Variants in SMOX observed in about 807,000 individuals in gnomAD.
SMOX encodes spermine oxidase.
SMOX carries 22 observed loss-of-function variants against 51.0 expected under a neutral mutation model. That is an observed-to-expected ratio of 0.43 (90% CI 0.31 to 0.62). SMOX has a LOEUF of 0.62. Ranked by LOEUF, SMOX falls within the 20% of genes least tolerant of loss-of-function variation. The pLI, the probability that SMOX is intolerant of heterozygous loss-of-function variation, is 0.10. For missense variants in SMOX, 566 were observed against 777.7 expected (o/e 0.73, Z 3.24); for synonymous variants, 282 against 307.8 (o/e 0.92, Z 0.88).
In SMOX at chr20:4,172,911, T is replaced by A. The variant is rs1978532360; in HGVS notation, c.-26-2119T>A. On this transcript the variant is annotated intron_variant, in intron 1 of 6. Transcript: ENST00000305958. The surrounding 1 kb of genome is among the most constrained non-coding windows in gnomAD (Gnocchi z 7.7). ...AAAGAGCAGCTTCTCAGCCTAAGCG[T>A]ATTTCGGAAAAAGCCTCCTTTGTTC... is the stretch of plus-strand genomic sequence containing the variant. 6.6e-6 allele frequency among the ~76,000 whole-genome samples: 1 copy of A among 152,060 alleles called. No individual in the cohort carries two copies. The highest frequency in any genetic ancestry group is 1.5e-5 in the Non-Finnish European group (1 of 67,992).
At chr20:4,160,280 C>G (rs1444899401) in intron 1 of SMOX, among the ~76,000 whole-genome samples, 1 of 152,212 alleles carries the variant, frequency 6.6e-6, no homozygotes, top group Non-Finnish European at 1.5e-5. Flanking sequence ...CTTGAGATGA[C>G]TCCTGCCAGC....
chr20:4,176,213 C>T (rs118188215), intron 2 of SMOX: 2,956 of 152,070 alleles, frequency 0.019, 61 homozygotes, highest in East Asian at 0.075. Flanking sequence ...TAGAGACAAA[C>T]GTTTCACCAT....
At position 4,186,107 on chromosome 20, in the gene SMOX, G is replaced by C. The variant is rs149398558; in HGVS notation, c.1531-1163G>C. Among the ~76,000 whole-genome samples the C allele has an allele frequency of 1.1e-3, 163 of 152,094 alleles. 1 individual carries two copies. The highest frequency in any genetic ancestry group is 3.9e-3 in the African/African-American group (160 of 41,494). ...GCTTGAGCTCAGGAGTTCAAGACCAGCCTGGGCAACAAAGTAAGACCTCCA... is the reference window on the plus strand; with the variant it reads ...GCTTGAGCTCAGGAGTTCAAGACCACCCTGGGCAACAAAGTAAGACCTCCA... On this transcript the variant is annotated intron_variant, in intron 6 of 6. Transcript: ENST00000305958.
chr20:4,183,598 G>A lies in SMOX; in HGVS notation c.1474G>A (p.Ala492Thr). Residue 492 changes from alanine to threonine, a missense_variant, in exon 6 of 7, where the codon GCG becomes ACG. This residue lies in a region of SMOX where 347 missense variants were observed against 481.8 expected (regional missense o/e 0.72). Coordinates refer to ENST00000305958, the MANE Select transcript of SMOX (RefSeq NM_175839.3). The surrounding 1 kb of genome is among the most constrained non-coding windows in gnomAD (Gnocchi z 4.3). ...YSYTQVGSSG[A>T]DVEKLAKPLP... is the part of the protein sequence containing the mutation. ...ATACACGCAGGTGGGCTCCAGCGGG[G>A]CGGATGTGGAGAAGCTGGCCAAGCC... is the stretch of plus-strand genomic sequence containing the variant. The A allele has an allele frequency of 6.2e-7, 1 of 1,609,962 alleles. No individual in the cohort carries two copies. The highest frequency in any genetic ancestry group is 8.5e-7 in the Non-Finnish European group (1 of 1,177,784).
intron 1 of SMOX, among the ~76,000 whole-genome samples, chr20:4,157,951 A>C (rs1183343417): frequency 6.6e-6 from 1 of 151,800 alleles, no homozygotes; most frequent in Non-Finnish European, 1.5e-5. Flanking sequence ...CCCAGGCTGG[A>C]GTGCAGCGGC....
chr20:4,181,894 TG>T lies in SMOX; in HGVS notation c.528del (p.Arg177ValfsTer17). 6.2e-7 allele frequency: 1 copy of T among 1,613,888 alleles called. No homozygotes were observed. Among genetic ancestry groups the T allele is most frequent in the Non-Finnish European group, 8.5e-7 (1 of 1,179,978 alleles). On this transcript the variant is annotated frameshift_variant, in exon 4 of 7. Coordinates refer to ENST00000305958, the MANE Select transcript of SMOX (RefSeq NM_175839.3). LOFTEE classifies it high-confidence loss of function. This position sits in a 1 kb window ranked among gnomAD's most constrained non-coding sequence, Gnocchi z 5.6. ...GTGGGGGTGTTCACCCGAGAGGAGG[TG>T]CGTAACCGCATCAGGAATGACCCTG... ...NSVGVFTREE[V>X]RNRIRNDPDD...
At chr20:4,155,379 A>T (rs1325907311) in intron 1 of SMOX, among the ~76,000 whole-genome samples, 1 of 151,622 alleles carries the variant, frequency 6.6e-6, no homozygotes, top group Admixed American at 6.6e-5. Flanking sequence ...CGGGGGTCTT[A>T]TCCCACTCTG....
intron 1 of SMOX, among the ~76,000 whole-genome samples, chr20:4,163,332 T>G (rs1489112008): frequency 6.6e-6 from 1 of 152,244 alleles, no homozygotes; most frequent in Non-Finnish European, 1.5e-5. Flanking sequence ...TTCCTGTCTC[T>G]TGGGCCTTAT....
chr20:4,150,260 C>T (rs190023226), intron 1 of SMOX, among the ~76,000 whole-genome samples: 18 of 152,308 alleles, frequency 1.2e-4, no homozygotes, highest in African/African-American at 4.3e-4. Context: ...GCACTCGCTC[C>T]TTCAGAGCAC....
rs568285106 is a variant in SMOX, at chr20:4,187,046, C to T, written c.1531-224C>T. ...CAAAGAGCCTTTGAGACCACAGAGC[C>T]GGGACTCCTAATGGCCTCAAGACAG... On this transcript the variant is annotated intron_variant, in intron 6 of 6. Coordinates refer to ENST00000305958, the MANE Select transcript of SMOX (RefSeq NM_175839.3). This position sits in a 1 kb window ranked among gnomAD's most constrained non-coding sequence, Gnocchi z 4.8. Among the ~76,000 whole-genome samples, 21 of 152,118 alleles carry T rather than the reference C, an allele frequency of 1.4e-4. No individual in the cohort carries two copies. Among genetic ancestry groups the T allele is most frequent in the Admixed American group, 2.6e-4 (4 of 15,268 alleles).
intron 3 of SMOX, among the ~76,000 whole-genome samples, chr20:4,180,685 C>G (rs1419323133): frequency 2.6e-5 from 4 of 152,292 alleles, no homozygotes; most frequent in Middle Eastern, 3.4e-3. Flanking sequence ...GCTGCCCCCT[C>G]CAGCAAAACC....
rs780749483 is a variant in SMOX at position 4,177,524 on chromosome 20, G to A, written c.382G>A (p.Gly128Ser). The A allele has an allele frequency of 1.6e-5, 25 of 1,596,564 alleles. No homozygotes were observed. The highest frequency in any genetic ancestry group is 9.4e-5 in the African/African-American group (7 of 74,768). ...CGTGGCCTGCTACCTTACCAACCAC[G>A]GCCGCAGGATCCCCAAGGACGTGGT... ...NGVACYLTNH[G>S]RRIPKDVVEE... is the part of the protein sequence containing the mutation. The change falls in exon 3 of 7, where the codon GGC (glycine) becomes AGC (serine). Residue 128 changes from glycine (G) to serine (S), a missense_variant. This residue lies in a region of SMOX where 217 missense variants were observed against 278.4 expected (regional missense o/e 0.78). Transcript: ENST00000305958. The surrounding 1 kb of genome is among the most constrained non-coding windows in gnomAD (Gnocchi z 4.3).
intron 1 of SMOX, among the ~76,000 whole-genome samples, chr20:4,150,794 C>T (rs1032826924): frequency 3.6e-4 from 54 of 150,752 alleles, no homozygotes; most frequent in Middle Eastern, 3.4e-3. Flanking sequence ...CAGGCCTTCC[C>T]ATCTCAGTGA....
intron 6 of SMOX, chr20:4,186,859 T>TAATA (rs1979776364): frequency 2.6e-6 from 2 of 778,686 alleles, no homozygotes; most frequent in Admixed American, 1.7e-5. Context: ...CCGACTTTAT[T>TAATA]GAGTGCTTTG....
In SMOX at chr20:4,187,566, C is replaced by T. The variant is rs1979840608; in HGVS notation, c.*159C>T. 5.4e-6 allele frequency: 6 copies of T among 1,104,474 alleles called. No homozygotes were observed. The highest frequency in any genetic ancestry group is 6.3e-6 in the Non-Finnish European group (5 of 795,428). 68.4% of individuals were successfully genotyped at this position (1,104,474 alleles called of 1,614,324 possible). On this transcript the variant is annotated 3_prime_UTR_variant, in exon 7 of 7. Transcript: ENST00000305958. The surrounding 1 kb of genome is among the most constrained non-coding windows in gnomAD (Gnocchi z 4.8). ...CTTCAGACCTGGCCCTGTAGCTTTT[C>T]TTTTTCTCCAGGCTGGGCCGTGAGC...
rs956415069 is a variant in SMOX at position 4,172,610 on chromosome 20, C to T, written c.-26-2420C>T. 6.6e-6 allele frequency among the ~76,000 whole-genome samples: 1 copy of T among 152,010 alleles called. No homozygotes were observed. Among genetic ancestry groups the T allele is most frequent in the Non-Finnish European group, 1.5e-5 (1 of 67,986 alleles). ...CGCCCTGCTCCCGGCGTGGCCTCAT[C>T]CCCAGCGAAAGCGCGACACCCGCTG... is the stretch of plus-strand genomic sequence containing the variant. On this transcript the variant is annotated intron_variant, in intron 1 of 6. Transcript: ENST00000305958. This position sits in a 1 kb window ranked among gnomAD's most constrained non-coding sequence, Gnocchi z 7.7.
At chr20:4,158,103 T>C (rs1332730640) in intron 1 of SMOX, among the ~76,000 whole-genome samples, 3 of 149,922 alleles carry the variant, frequency 2.0e-5, no homozygotes, top group East Asian at 2.0e-4. Flanking sequence ...TGTTTCACCT[T>C]GTTAGCCAGG....
In SMOX at chr20:4,170,128, G is replaced by A. The variant is rs1480536385; in HGVS notation, c.-26-4902G>A. ...GGGTGGGGCTGGGAGATTGAGACCC[G>A]CATGGGTGAGGCTCACATAGAGGAG... is the stretch of plus-strand genomic sequence containing the variant. On this transcript the variant is annotated intron_variant, in intron 1 of 6. Coordinates refer to ENST00000305958, the MANE Select transcript of SMOX (RefSeq NM_175839.3). This position sits in a 1 kb window ranked among gnomAD's most constrained non-coding sequence, Gnocchi z 4.6. Among the ~76,000 whole-genome samples, 2 of 151,208 alleles carry A rather than the reference G, an allele frequency of 1.3e-5. No homozygotes were observed. The highest frequency in any genetic ancestry group is 2.9e-5 in the Non-Finnish European group (2 of 67,860).
intron 1 of SMOX, among the ~76,000 whole-genome samples, chr20:4,156,772 T>C (rs1046110409): frequency 2.0e-5 from 3 of 152,142 alleles, no homozygotes; most frequent in African/African-American, 7.2e-5. Flanking sequence ...AGATGGAGCC[T>C]CACTCTGTCA....
Sources: allele counts gnomAD v4.1 joint callset (sites outside exome capture counted in the v4.1 genomes callset), GRCh38; gene constraint gnomAD v4.1.1; regional missense constraint gnomAD v4.1.1; non-coding constraint Gnocchi (gnomAD v3.1); transcripts MANE v1.5; gene names NCBI Gene and HGNC (gene_info 2026-07-23, HGNC 2026-07-21).